CA8: variants seen among roughly 807,000 people sequenced by gnomAD.
CA8 encodes the protein carbonic anhydrase 8 (inactive).
CA8 carries 22 observed loss-of-function variants against 41.4 expected under a neutral mutation model. The observed-to-expected ratio is 0.53, with a 90% CI of 0.38 to 0.76. The LOEUF is 0.76. Ranked by LOEUF, CA8 falls within the 30% of genes least tolerant of loss-of-function variation. The pLI, the probability that CA8 is intolerant of heterozygous loss-of-function variation, is 0.00. For missense variants in CA8, 270 were observed against 352.8 expected, an observed-to-expected ratio of 0.77 and a Z score of 1.88; for synonymous variants, 121 against 130.6, an observed-to-expected ratio of 0.93 and a Z score of 0.50.
intron 7 of CA8, among the ~76,000 whole-genome samples, chr8:60,217,263 A>G (rs1208198052): frequency 6.6e-6 from 1 of 152,216 alleles, no homozygotes; most frequent in Non-Finnish European, 1.5e-5. Flanking sequence ...AACAAATGTG[A>G]CCATAGACAC....
rs141808308 is a variant in CA8 at position 60,232,368 on chromosome 8, G to A, written c.429C>T (p.Ile143=). 6 of 1,612,958 alleles carry A rather than the reference G, an allele frequency of 3.7e-6. No individual in the cohort carries two copies. Among genetic ancestry groups the A allele is most frequent in the Non-Finnish European group, 5.1e-6 (6 of 1,179,032 alleles). ...TGCCAAACAGAGTGGAGTTCCAGTG[G>A]ATCAGATGGAGCTGAGTGAGTGGCA... ...FKAFPMELHL[I]HWNSTLFGSI... The change falls in exon 4 of 9, where the codon ATC becomes ATT. Residue 143 remains isoleucine, a synonymous_variant. Coordinates refer to ENST00000317995, the MANE Select transcript of CA8 (RefSeq NM_004056.6).
At chr8:60,190,437 ATATATATAT>A (rs1806086255) in intron 8 of CA8, among the ~76,000 whole-genome samples, 1 of 4,864 alleles carries the variant, frequency 2.1e-4, no homozygotes. Context: ...TGCAGAATAT[ATATATATAT>A]ATATATATAT....
At chr8:60,259,145 A>C (rs911109821) in intron 3 of CA8, among the ~76,000 whole-genome samples, 1 of 152,224 alleles carries the variant, frequency 6.6e-6, no homozygotes, top group African/African-American at 2.4e-5. Context: ...AAAAGAATGA[A>C]TACATGGATA....
chr8:60,255,301 T>C (rs1808593314), intron 3 of CA8, among the ~76,000 whole-genome samples: 1 of 140,234 alleles, frequency 7.1e-6, no homozygotes, highest in East Asian at 2.4e-4. Flanking sequence ...CACTCTTCTC[T>C]CGAATTAAGC....
rs1806022011 is a variant in CA8, at chr8:60,188,431, T to C, written c.*1590A>G. ...AATGCCATATGAATGGCCTCTCATT[T>C]ATGGAAGGCTTCAGATCTAGTCTTT... On this transcript the variant is annotated 3_prime_UTR_variant, in exon 9 of 9. Coordinates refer to ENST00000317995, the MANE Select transcript of CA8 (RefSeq NM_004056.6). 1 of 152,218 alleles carries C rather than the reference T, an allele frequency of 6.6e-6. No homozygotes were observed. Among genetic ancestry groups the C allele is most frequent in the South Asian group, 2.1e-4 (1 of 4,834 alleles). 9.4% of individuals were successfully genotyped at this position (152,218 alleles called of 1,614,324 possible).
chr8:60,191,720 A>G (rs935099420), intron 8 of CA8, among the ~76,000 whole-genome samples: 6 of 152,134 alleles, frequency 3.9e-5, no homozygotes, highest in African/African-American at 1.4e-4. Context: ...TAAGTTTATG[A>G]AATTTCATTA....
At position 60,281,152 on chromosome 8, in the gene CA8, A is replaced by G; in HGVS notation, c.-5T>C. 1 of 1,552,718 alleles carries G rather than the reference A, an allele frequency of 6.4e-7. No individual in the cohort carries two copies. The highest frequency in any genetic ancestry group is 8.7e-7 in the Non-Finnish European group (1 of 1,149,518). On this transcript the variant is annotated 5_prime_UTR_variant, in exon 1 of 9. Transcript: ENST00000317995. ...GATGAAGCTCAGGTCCGCCATGGGA[A>G]GGCCGCGGGGCCCCTCGGCGCTCTC...
intron 4 of CA8, among the ~76,000 whole-genome samples, chr8:60,230,510 C>T (rs13268836): frequency 0.36 from 53,987 of 151,692 alleles, 10,064 homozygotes; most frequent in Admixed American, 0.43. Flanking sequence ...TGTCTCCGAC[C>T]TCCTCCCTCC....
At chr8:60,231,914 T>C (rs1298323848) in intron 4 of CA8, among the ~76,000 whole-genome samples, 1 of 152,214 alleles carries the variant, frequency 6.6e-6, no homozygotes, top group Non-Finnish European at 1.5e-5. Context: ...AGTAATCTAC[T>C]ACATACTTCT....
Position 60,232,269 on chromosome 8 carries a change from C to CA in CA8, c.513+14dup. 1 of 1,590,002 alleles carries CA rather than the reference C, an allele frequency of 6.3e-7. No homozygotes were observed. The highest frequency in any genetic ancestry group is 2.2e-5 in the East Asian group (1 of 44,756). On this transcript the variant is annotated intron_variant, in intron 4 of 8. Transcript: ENST00000317995. ...GCATCTCTAAACAATACGATAATCA[C>CA]AGCAGACCGTTTACCTGAACAAACA...
intron 5 of CA8, 89 bp downstream of exon 5, chr8:60,226,784 G>A (rs1807454768): frequency 2.7e-6 from 2 of 745,542 alleles, no homozygotes; most frequent in Admixed American, 2.0e-5. Context: ...AGATCTGTGA[G>A]TCCTTCTAAC....
chr8:60,263,306 G>C (rs77010982), intron 3 of CA8, among the ~76,000 whole-genome samples: 6,628 of 146,992 alleles, frequency 0.045, 199 homozygotes, highest in South Asian at 0.13. Flanking sequence ...TGGGCGACAG[G>C]GCAAGACTCC....
chr8:60,275,493 G>GTT (rs1464902689), intron 2 of CA8, among the ~76,000 whole-genome samples: 1 of 151,704 alleles, frequency 6.6e-6, no homozygotes. Flanking sequence ...TAATTGCAGC[G>GTT]TAAGTTCAAT....
chr8:60,207,914 C>A (rs1374690099), intron 8 of CA8, among the ~76,000 whole-genome samples: 1 of 152,180 alleles, frequency 6.6e-6, no homozygotes, highest in East Asian at 1.9e-4. Flanking sequence ...TGCCACCACA[C>A]CCAGCTAATT....
At chr8:60,275,278 T>C (rs1354852370) in intron 2 of CA8, among the ~76,000 whole-genome samples, 2 of 151,936 alleles carry the variant, frequency 1.3e-5, no homozygotes, top group African/African-American at 4.8e-5. Flanking sequence ...CATTCTTAAA[T>C]AGGAACGAAG....
intron 2 of CA8, among the ~76,000 whole-genome samples, chr8:60,279,399 T>C (rs1362150436): frequency 1.3e-5 from 2 of 152,380 alleles, no homozygotes; most frequent in Middle Eastern, 3.4e-3. Context: ...CACCTGCATG[T>C]ACCTGTCCTC....
intron 2 of CA8, among the ~76,000 whole-genome samples, chr8:60,273,319 G>A (rs1300776927): frequency 6.6e-6 from 1 of 152,168 alleles, no homozygotes; most frequent in Non-Finnish European, 1.5e-5. Context: ...AGAACTTTTT[G>A]ACTTTTGGAA....
intron 2 of CA8, among the ~76,000 whole-genome samples, chr8:60,276,737 T>G (rs1804248924): frequency 6.6e-6 from 1 of 152,224 alleles, no homozygotes; most frequent in African/African-American, 2.4e-5. Context: ...ACCGCACTTG[T>G]ACCCCCTAAA....
intron 4 of CA8, among the ~76,000 whole-genome samples, chr8:60,231,406 A>G (rs75667234): frequency 0.014 from 2,126 of 152,342 alleles, 59 homozygotes; most frequent in African/African-American, 0.048. Context: ...GATATGTATT[A>G]AAAATTGTTG....
Sources: allele counts gnomAD v4.1 joint callset (sites outside exome capture counted in the v4.1 genomes callset), GRCh38; gene constraint gnomAD v4.1.1; transcripts MANE v1.5; gene names NCBI Gene and HGNC (gene_info 2026-07-23, HGNC 2026-07-21).